CLYBL: variants seen among roughly 807,000 people sequenced by gnomAD.
CLYBL encodes the protein citramalyl-CoA lyase, mitochondrial.
In CLYBL, 31 loss-of-function variants were observed where a neutral mutation model predicts 38.9. That is an observed-to-expected ratio of 0.80 (90% confidence interval 0.60 to 1.08). CLYBL has a LOEUF of 1.08. CLYBL is among the 50% of genes least tolerant of loss of function. CLYBL has a pLI of 0.00. For missense variants in CLYBL, 434 were observed against 411.6 expected, an observed-to-expected ratio of 1.05 and a Z score of -0.47; for synonymous variants, 171 against 158.6, an observed-to-expected ratio of 1.08 and a Z score of -0.59.
At chr13:99,906,824 G>C (rs1236062070) in intron 9 of CLYBL, among the ~76,000 whole-genome samples, 1 of 152,290 alleles carries the variant, frequency 6.6e-6, no homozygotes, top group African/African-American at 2.4e-5. Context: ...CCTTTCTTGA[G>C]GATTAAGAAA....
intron 2 of CLYBL, among the ~76,000 whole-genome samples, chr13:99,809,333 C>G (rs1246584994): frequency 6.6e-6 from 1 of 152,234 alleles, no homozygotes; most frequent in African/African-American, 2.4e-5. Flanking sequence ...AATGTTACTT[C>G]TGGGAGCCTC....
At chr13:99,671,632 T>A (rs1330069885) in intron 1 of CLYBL, among the ~76,000 whole-genome samples, 3 of 151,852 alleles carry the variant, frequency 2.0e-5, no homozygotes, top group Admixed American at 6.6e-5. Flanking sequence ...ATACAAAAAT[T>A]AGCCAGGTGT....
chr13:99,901,241 A>T (rs924392303), downstream of CLYBL, among the ~76,000 whole-genome samples: 10 of 152,168 alleles, frequency 6.6e-5, no homozygotes, highest in African/African-American at 2.4e-4. Context: ...CCTTCCATCT[A>T]GTCCTGCTAG....
intron 1 of CLYBL, among the ~76,000 whole-genome samples, chr13:99,638,678 C>G (rs558681576): frequency 1.3e-5 from 2 of 152,342 alleles, no homozygotes; most frequent in South Asian, 2.1e-4. Context: ...GTAGCACTCT[C>G]AACAACTGTG....
intron 2 of CLYBL, among the ~76,000 whole-genome samples, chr13:99,815,260 CAT>C (rs747234326): frequency 1.6e-4 from 24 of 152,232 alleles, no homozygotes; most frequent in Admixed American, 4.6e-4. Context: ...AGATATAACT[CAT>C]GTGTACGTGT....
intron 1 of CLYBL, among the ~76,000 whole-genome samples, chr13:99,631,917 T>A (rs192121867): frequency 1.1e-3 from 165 of 152,248 alleles, no homozygotes; most frequent in South Asian, 3.3e-3. Context: ...AAAGTATTTT[T>A]AAAAACTATT....
intron 2 of CLYBL, among the ~76,000 whole-genome samples, chr13:99,830,524 A>G (rs1163952987): frequency 6.6e-6 from 1 of 152,148 alleles, no homozygotes; most frequent in Admixed American, 6.5e-5. Flanking sequence ...TGCAGAGAGG[A>G]GTCATATGTG....
chr13:99,827,772 C>T lies in CLYBL; in HGVS notation c.250-31089C>T, dbSNP rs568691208. Among the ~76,000 whole-genome samples, 4 of 152,332 alleles carry T rather than the reference C, an allele frequency of 2.6e-5. No homozygotes were observed. In the South Asian group the frequency reaches 6.2e-4, roughly 24 times the overall value. On this transcript the variant is annotated intron_variant, in intron 2 of 8. Coordinates refer to ENST00000339105, the MANE Select transcript of CLYBL (RefSeq NM_206808.5). ...CAAGGCTCAGACTCTCGCTTTGTCC[C>T]GACAGGCGCCATCGTATGTGGGGAT...
intron 2 of CLYBL, among the ~76,000 whole-genome samples, chr13:99,818,489 ACACACTGC>A (rs912145005): frequency 6.6e-6 from 1 of 151,746 alleles, no homozygotes; most frequent in African/African-American, 2.4e-5. Context: ...ACACACGGAC[ACACACTGC>A]CACACTGCCA....
chr13:99,849,893 C>T lies in CLYBL; in HGVS notation c.250-8968C>T, dbSNP rs77123238. ...CCCCTTCTTTCCACTGGAGTTTTCT[C>T]TTTCCTGGGAATTTCATTGTATTTT... is the stretch of plus-strand genomic sequence containing the variant. On this transcript the variant is annotated intron_variant, in intron 2 of 8. Transcript: ENST00000339105. This position sits in a 1 kb window ranked among gnomAD's most constrained non-coding sequence, Gnocchi z 4.9. 0.023 allele frequency among the ~76,000 whole-genome samples: 3,524 copies of T among 152,274 alleles called. 102 individuals are homozygous for T. Among genetic ancestry groups the T allele is most frequent in the East Asian group, 0.16 (837 of 5,180 alleles).
intron 1 of CLYBL, among the ~76,000 whole-genome samples, chr13:99,672,118 A>T (rs1006370876): frequency 6.6e-6 from 1 of 151,730 alleles, no homozygotes; most frequent in East Asian, 1.9e-4. Flanking sequence ...CTCTTGTTAG[A>T]GCCCTTCTCA....
chr13:99,608,077 T>C (rs1439518192), intron 1 of CLYBL, among the ~76,000 whole-genome samples: 3 of 129,742 alleles, frequency 2.3e-5, no homozygotes, highest in African/African-American at 1.1e-4. Flanking sequence ...TTTTTTTTTT[T>C]TTTTTTTTTC....
intron 2 of CLYBL, among the ~76,000 whole-genome samples, chr13:99,839,176 G>T (rs995367494): frequency 6.6e-6 from 1 of 152,218 alleles, no homozygotes; most frequent in Non-Finnish European, 1.5e-5. Context: ...CAGTGGGAGC[G>T]CCTGCTCAGA....
chr13:99,733,971 C>T (rs2048629765), intron 1 of CLYBL, among the ~76,000 whole-genome samples: 1 of 152,162 alleles, frequency 6.6e-6, no homozygotes, highest in Non-Finnish European at 1.5e-5. Flanking sequence ...TGAATGTGCT[C>T]GACTTTTATT....
Position 99,864,850 on chromosome 13 carries a change from T to C in CLYBL, c.573T>C (p.Pro191=), listed in dbSNP as rs780662456. 39 of 1,613,928 alleles carry C rather than the reference T, an allele frequency of 2.4e-5. No homozygotes were observed. Among genetic ancestry groups the C allele is most frequent in the Non-Finnish European group, 3.3e-5 (39 of 1,179,952 alleles). The part of the protein sequence containing the change: ...AVCEETLKVG[P]QVGLFLDAVV... Reference sequence around the variant, plus strand: ...GTGAAGAAACCCTGAAGGTCGGGCCTCAAGTAGGTCTCTTTCTAGATGCAG... The same window carrying C: ...GTGAAGAAACCCTGAAGGTCGGGCCCCAAGTAGGTCTCTTTCTAGATGCAG... Residue 191 remains proline (P), a synonymous_variant, in exon 5 of 9, where the codon CCT becomes CCC. Transcript: ENST00000339105.
rs2052206686 is a variant in CLYBL at position 99,881,428 on chromosome 13, G to A, written c.928-9890G>A. 2.0e-5 allele frequency among the ~76,000 whole-genome samples: 3 copies of A among 152,038 alleles called. No homozygotes were observed. The South Asian group carries it at 6.2e-4, about 32-fold the overall frequency. On this transcript the variant is annotated intron_variant, in intron 7 of 8. Transcript: ENST00000339105. The stretch of plus-strand genomic sequence containing the variant: ...TTCTTTTACTATCTTCCTGACAGTT[G>A]TTTATTTATTTAATTATTGAGACAG...
chr13:99,692,715 T>C (rs1016951606), intron 1 of CLYBL, among the ~76,000 whole-genome samples: 9 of 152,162 alleles, frequency 5.9e-5, no homozygotes, highest in African/African-American at 2.2e-4. Context: ...CCCATACCCA[T>C]TGGGGTTCAC....
At position 99,907,011 on chromosome 13, in the gene CLYBL, T is replaced by G. The variant is rs545633624; in HGVS notation, c.*161-1044T>G. ...AAAGCCTCATTGGCAAATACTACTT[T>G]ATTCACAGTTGCATCATGTAAATTA... On this transcript the variant is annotated intron_variant and NMD_transcript_variant, in intron 9 of 9. Coordinates refer to the CLYBL transcript ENST00000689673. Among the ~76,000 whole-genome samples the G allele has an allele frequency of 3.3e-5, 5 of 152,352 alleles. No individual in the cohort carries two copies. The South Asian group carries it at 1.0e-3, about 32-fold the overall frequency.
At chr13:99,826,075 T>A (rs2050689504) in intron 2 of CLYBL, among the ~76,000 whole-genome samples, 1 of 152,154 alleles carries the variant, frequency 6.6e-6, no homozygotes, top group South Asian at 2.1e-4. Context: ...TTCTTCACAG[T>A]TTGGAAGAAA....
Sources: gnomAD v4.1 joint callset for allele counts (sites outside exome capture counted in the v4.1 genomes callset) on GRCh38, gnomAD v4.1.1 for gene constraint, Gnocchi (gnomAD v3.1) non-coding constraint, MANE v1.5 for transcripts, NCBI Gene and HGNC (gene_info 2026-07-23, HGNC 2026-07-21) for gene names.